Variants in PCSK6 observed in about 807,000 individuals in gnomAD.
PCSK6 encodes the protein paired basic amino acid cleaving enzyme 4.
A neutral mutation model predicts 123.3 loss-of-function variants in PCSK6; 85 were observed. The ratio of observed to expected loss-of-function variants is 0.69; its 90% CI spans 0.58 to 0.83. The LOEUF (loss-of-function observed/expected upper bound fraction) is 0.83, where lower values mean the gene tolerates loss of function less well. Ranked by LOEUF, PCSK6 falls within the 40% of genes least tolerant of loss-of-function variation. The pLI, the probability that PCSK6 is intolerant of heterozygous loss-of-function variation, is 0.00. For missense variants in PCSK6, 1,191 were observed against 1,282.3 expected (o/e 0.93, Z 1.09); for synonymous variants, 508 against 516.0 (o/e 0.98, Z 0.21).
chr15:101,425,417 C>T (rs983947027), intron 6 of PCSK6, among the ~76,000 whole-genome samples: 4 of 152,222 alleles, frequency 2.6e-5, no homozygotes, highest in African/African-American at 9.6e-5. Flanking sequence ...TGGCACACAA[C>T]AGGGAATTTC....
chr15:101,482,624 ACC>A (rs2057918197), intron 1 of PCSK6, among the ~76,000 whole-genome samples: 1 of 151,918 alleles, frequency 6.6e-6, no homozygotes, highest in African/African-American at 2.4e-5. Flanking sequence ...TGTCCCTGTC[ACC>A]ACCCAAAGCT....
intron 6 of PCSK6, among the ~76,000 whole-genome samples, chr15:101,416,745 G>A (rs2055901481): frequency 6.6e-6 from 1 of 152,236 alleles, no homozygotes; most frequent in African/African-American, 2.4e-5. Context: ...GTACAGCTTG[G>A]GCTGTGGCTT....
In PCSK6 at chr15:101,322,055, G is replaced by C. The variant is rs148250727; in HGVS notation, c.2465+465C>G. On this transcript the variant is annotated intron_variant, in intron 18 of 21. Coordinates refer to ENST00000611716, the MANE Select transcript of PCSK6 (RefSeq NM_002570.5). ...AATGCATGCTGAGCTTTATGGGGCT[G>C]AGCCTGATGAACAGGGAGAACCAGG... 2.6e-5 allele frequency among the ~76,000 whole-genome samples: 4 copies of C among 152,324 alleles called. No individual in the cohort carries two copies. The South Asian group carries it at 8.3e-4, about 32-fold the overall frequency.
intron 1 of PCSK6, among the ~76,000 whole-genome samples, chr15:101,444,045 T>C (rs1326775656): frequency 6.6e-6 from 1 of 152,142 alleles, no homozygotes; most frequent in Non-Finnish European, 1.5e-5. Context: ...ACCAAAACAT[T>C]CATTTATAAA....
intron 13 of PCSK6, among the ~76,000 whole-genome samples, chr15:101,337,670 T>C (rs559079213): frequency 6.6e-6 from 1 of 152,382 alleles, no homozygotes; most frequent in African/African-American, 2.4e-5. Flanking sequence ...ATTTATTTTC[T>C]TGTTCACTGT....
At chr15:101,474,331 C>T (rs1196256678) in intron 1 of PCSK6, among the ~76,000 whole-genome samples, 3 of 152,210 alleles carry the variant, frequency 2.0e-5, no homozygotes, top group Admixed American at 1.3e-4. Flanking sequence ...GATCCAGGTA[C>T]ATGGGGTCTA....
At chr15:101,347,912 T>G (rs759808002) in intron 13 of PCSK6, 1 of 680,812 alleles carries the variant, frequency 1.5e-6, no homozygotes, top group Non-Finnish European at 2.6e-6. Flanking sequence ...TGTTTCAAGC[T>G]GGCTGCAGCT....
intron 13 of PCSK6, among the ~76,000 whole-genome samples, chr15:101,332,898 C>T (rs1022746682): frequency 2.6e-5 from 4 of 152,210 alleles, no homozygotes; most frequent in Non-Finnish European, 5.9e-5. Flanking sequence ...TTATAAAACA[C>T]ATTATAAACA....
chr15:101,446,669 G>A (rs886801579), intron 1 of PCSK6, among the ~76,000 whole-genome samples: 4 of 152,318 alleles, frequency 2.6e-5, no homozygotes, highest in Non-Finnish European at 2.9e-5. Flanking sequence ...AACAGAAAAG[G>A]CTGCCAGCCT....
chr15:101,372,079 GTC>G (rs1243090863), intron 11 of PCSK6, among the ~76,000 whole-genome samples: 2 of 152,144 alleles, frequency 1.3e-5, no homozygotes, highest in Non-Finnish European at 2.9e-5. Context: ...CTGTTTCTGT[GTC>G]CAGGCTGGAC....
At chr15:101,309,992 C>T (rs867724708) in intron 20 of PCSK6, among the ~76,000 whole-genome samples, 7 of 152,356 alleles carry the variant, frequency 4.6e-5, no homozygotes, top group African/African-American at 7.2e-5. Flanking sequence ...CATGTTCCAA[C>T]GCAGCCCGTC....
At chr15:101,478,866 C>T (rs1050895292) in intron 1 of PCSK6, among the ~76,000 whole-genome samples, 1 of 152,240 alleles carries the variant, frequency 6.6e-6, no homozygotes, top group East Asian at 1.9e-4. Context: ...TTGCTGCTCA[C>T]AAACCTGCTA....
intron 1 of PCSK6, among the ~76,000 whole-genome samples, chr15:101,469,184 G>A (rs2057540989): frequency 6.6e-6 from 1 of 152,102 alleles, no homozygotes; most frequent in Non-Finnish European, 1.5e-5. Flanking sequence ...TTCTAGAAGA[G>A]CCTTACAACT....
intron 17 of PCSK6, among the ~76,000 whole-genome samples, chr15:101,323,911 G>A (rs922335666): frequency 2.0e-5 from 3 of 152,150 alleles, no homozygotes; most frequent in Non-Finnish European, 2.9e-5. Flanking sequence ...GGAAGACCAC[G>A]AGTGCCAAAC....
At position 101,307,302 on chromosome 15, in the gene PCSK6, C is replaced by G; in HGVS notation, c.2723G>C (p.Cys908Ser). The change falls in exon 21 of 22, where the codon TGT becomes TCT. Residue 908 changes from cysteine (C) to serine (S), a missense_variant. Around this residue, in one of 3 missense-constraint regions of PCSK6, gnomAD observed 630 missense variants for 631.4 expected, o/e 1.00. Coordinates refer to ENST00000611716, the MANE Select transcript of PCSK6 (RefSeq NM_002570.5). ...CRRCDENCLS[C>S]AGSSRNCSRC... ...GCTACAGTTCCTGCTGGAGCCTGCA[C>G]AGCTCAAGCAGTTCTCGTCACACCT... The G allele has an allele frequency of 1.2e-6, 2 of 1,613,398 alleles. No homozygotes were observed. The highest frequency in any genetic ancestry group is 3.3e-4 in the Middle Eastern group (2 of 6,058).
At chr15:101,463,721 A>G (rs1323913521) in intron 1 of PCSK6, among the ~76,000 whole-genome samples, 1 of 152,176 alleles carries the variant, frequency 6.6e-6, no homozygotes, top group East Asian at 1.9e-4. Context: ...ATGATTATAC[A>G]TGATACTGGC....
At chr15:101,377,175 G>A (rs562694804) in intron 11 of PCSK6, among the ~76,000 whole-genome samples, 4 of 152,266 alleles carry the variant, frequency 2.6e-5, no homozygotes, top group South Asian at 2.1e-4. Flanking sequence ...CTGACCTGCC[G>A]CAGATGAGAC....
intron 15 of PCSK6, among the ~76,000 whole-genome samples, chr15:101,327,643 G>C (rs746263581): frequency 6.6e-6 from 1 of 152,202 alleles, no homozygotes; most frequent in Non-Finnish European, 1.5e-5. Flanking sequence ...CCTTCATTTG[G>C]TGGGGACTTG....
intron 6 of PCSK6, among the ~76,000 whole-genome samples, chr15:101,411,831 C>T (rs746715605): frequency 3.9e-5 from 6 of 152,168 alleles, no homozygotes; most frequent in Non-Finnish European, 8.8e-5. Context: ...TAGGAAGCAG[C>T]GCTTTTACCT....
Sources: gnomAD v4.1 joint callset for allele counts (sites outside exome capture counted in the v4.1 genomes callset) on GRCh38, gnomAD v4.1.1 for gene constraint, gnomAD v4.1.1 regional missense constraint, MANE v1.5 for transcripts, NCBI Gene and HGNC (gene_info 2026-07-23, HGNC 2026-07-21) for gene names.